Variants in GEMIN5 observed in about 807,000 individuals in gnomAD.
GEMIN5 encodes gem-associated protein 5.
A neutral mutation model predicts 176.9 loss-of-function variants in GEMIN5; 124 were observed. That is an observed-to-expected ratio of 0.70 (90% confidence interval 0.61 to 0.81). The LOEUF (loss-of-function observed/expected upper bound fraction) is 0.81. Ranked by LOEUF, GEMIN5 falls within the 40% of genes least tolerant of loss-of-function variation. GEMIN5 has a pLI of 0.00. For synonymous variants in GEMIN5, 673 were observed against 665.2 expected (o/e 1.01, Z -0.18); for missense variants, 1,843 against 1,814.6 (o/e 1.02, Z -0.28).
intron 13 of GEMIN5, among the ~76,000 whole-genome samples, chr5:154,914,489 T>TG (rs1329774207): frequency 2.0e-5 from 3 of 149,146 alleles, no homozygotes; most frequent in Non-Finnish European, 4.4e-5. Flanking sequence ...AGAATATGGG[T>TG]GGCTGATTAC....
At chr5:154,903,825 T>TA (rs200020649) in intron 18 of GEMIN5, among the ~76,000 whole-genome samples, 6 of 151,368 alleles carry the variant, frequency 4.0e-5, no homozygotes, top group Admixed American at 1.3e-4. Flanking sequence ...AAAAAAAAAT[T>TA]AAAAAAAAAT....
intron 25 of GEMIN5, among the ~76,000 whole-genome samples, 178 bp downstream of exon 25, chr5:154,892,209 A>C (rs1226856087): frequency 6.6e-6 from 1 of 152,224 alleles, no homozygotes; most frequent in Non-Finnish European, 1.5e-5. Context: ...GGGCCAGGTA[A>C]AGGAAACAGT....
intron 18 of GEMIN5, among the ~76,000 whole-genome samples, chr5:154,904,143 A>C (rs1419640236): frequency 6.6e-6 from 1 of 152,176 alleles, no homozygotes; most frequent in East Asian, 1.9e-4. Flanking sequence ...ATAAGAAAAA[A>C]AGATTTTTTT....
At chr5:154,933,619 T>C (rs760882973) in intron 3 of GEMIN5, among the ~76,000 whole-genome samples, 10 of 152,350 alleles carry the variant, frequency 6.6e-5, no homozygotes, top group Admixed American at 3.3e-4. Context: ...AAAGTGGCTG[T>C]ACCTATTCAC....
Position 154,919,986 on chromosome 5 carries a change from C to A in GEMIN5, c.1580G>T (p.Arg527Met). 2 of 1,613,582 alleles carry A rather than the reference C, an allele frequency of 1.2e-6. No individual in the cohort carries two copies. Among genetic ancestry groups the A allele is most frequent in the South Asian group, 2.2e-5 (2 of 91,016 alleles). ...GEAFDINKLIRDTNSIKYKLP... is the reference protein window; with the variant it reads ...GEAFDINKLIMDTNSIKYKLP... Reference sequence around the variant, plus strand: ...ACTCACTTTGATTGAATTGGTGTCCCTGATGAGTTTGTTGATGTCAAAGGC... The same window carrying A: ...ACTCACTTTGATTGAATTGGTGTCCATGATGAGTTTGTTGATGTCAAAGGC... Residue 527 changes from arginine to methionine, a missense_variant, in exon 11 of 28, where the codon AGG becomes ATG. Transcript: ENST00000285873.
chr5:154,937,939 A>G (rs781354371), intron 1 of GEMIN5, 29 bp downstream of exon 1: 1 of 1,535,756 alleles, frequency 6.5e-7, no homozygotes, highest in South Asian at 1.2e-5. Flanking sequence ...AAAGGGCAGT[A>G]AGTCTCGGGC....
intron 27 of GEMIN5, among the ~76,000 whole-genome samples, chr5:154,888,730 C>T (rs1763159610): frequency 6.6e-6 from 1 of 152,210 alleles, no homozygotes; most frequent in African/African-American, 2.4e-5. Context: ...TTAAATTTTA[C>T]TTCTTACCTA....
At chr5:154,889,900 T>G (rs1431641048) in intron 26 of GEMIN5, among the ~76,000 whole-genome samples, 1 of 152,256 alleles carries the variant, frequency 6.6e-6, no homozygotes, top group Admixed American at 6.5e-5. Flanking sequence ...TCCCGTGTTT[T>G]GGGTATTATG....
At chr5:154,894,827 A>G (rs1426921214) in intron 24 of GEMIN5, among the ~76,000 whole-genome samples, 2 of 152,060 alleles carry the variant, frequency 1.3e-5, no homozygotes, top group Non-Finnish European at 2.9e-5. Context: ...GAATTGCTTG[A>G]ACCTGGGAGG....
At chr5:154,929,342 T>G (rs1764112620) in intron 5 of GEMIN5, among the ~76,000 whole-genome samples, 1 of 151,830 alleles carries the variant, frequency 6.6e-6, no homozygotes, top group South Asian at 2.1e-4. Context: ...AACTCCAAAG[T>G]GAAAAGGACA....
chr5:154,931,832 T>A, intron 4 of GEMIN5: 1 of 485,164 alleles, frequency 2.1e-6, no homozygotes, highest in Non-Finnish European at 3.7e-6. Context: ...CTGACCAACA[T>A]GGAGAAACCT....
At chr5:154,901,099 G>A (rs190972976) in intron 21 of GEMIN5, among the ~76,000 whole-genome samples, 5 of 152,300 alleles carry the variant, frequency 3.3e-5, no homozygotes, top group Non-Finnish European at 4.4e-5. Flanking sequence ...GCTGAGGCAC[G>A]AGGATCGCTT....
chr5:154,901,942 A>T (rs1763475040), intron 20 of GEMIN5, among the ~76,000 whole-genome samples: 1 of 152,176 alleles, frequency 6.6e-6, no homozygotes, highest in Non-Finnish European at 1.5e-5. Context: ...CGGGGACTAC[A>T]GGTACATGTC....
At chr5:154,931,629 T>A (rs17647858) in intron 4 of GEMIN5, 52 bp from the exon 5 acceptor site, 2 of 1,475,592 alleles carry the variant, frequency 1.4e-6, no homozygotes, top group South Asian at 1.2e-5. Flanking sequence ...CACGCACTAA[T>A]ATAAAAAAAT....
chr5:154,931,823 T>A (rs1396330757), intron 4 of GEMIN5: 1 of 490,454 alleles, frequency 2.0e-6, no homozygotes, highest in East Asian at 3.6e-5. Flanking sequence ...AAGACCAGCC[T>A]GACCAACATG....
chr5:154,907,903 C>G, intron 15 of GEMIN5, 85 bp from the exon 16 acceptor site: 1 of 861,348 alleles, frequency 1.2e-6, no homozygotes, highest in African/African-American at 1.7e-5. Context: ...TATCTCATTC[C>G]TCTTTAATAG....
At chr5:154,905,188 C>G (rs1176729876) in intron 17 of GEMIN5, among the ~76,000 whole-genome samples, 175 bp downstream of exon 17, 2 of 152,078 alleles carry the variant, frequency 1.3e-5, no homozygotes, top group African/African-American at 4.8e-5. Context: ...GAGTGAAAAT[C>G]TGTCTCAAAA....
chr5:154,935,589 C>A (rs1025445095), intron 3 of GEMIN5, among the ~76,000 whole-genome samples: 2 of 152,098 alleles, frequency 1.3e-5, no homozygotes, highest in Non-Finnish European at 2.9e-5. Context: ...ATTTCCTACA[C>A]GTAAAGGTTG....
At chr5:154,915,159 C>T (rs1457907857) in intron 13 of GEMIN5, among the ~76,000 whole-genome samples, 2 of 152,176 alleles carry the variant, frequency 1.3e-5, no homozygotes, top group East Asian at 3.8e-4. Context: ...CTATTTATTA[C>T]TAGGAAAACA....
Sources: allele counts gnomAD v4.1 joint callset (sites outside exome capture counted in the v4.1 genomes callset), GRCh38; gene constraint gnomAD v4.1.1; transcripts MANE v1.5; gene names NCBI Gene and HGNC (gene_info 2026-07-23, HGNC 2026-07-21).